Variants in LGI1 observed in about 807,000 individuals in gnomAD.
The protein encoded by LGI1 is leucine rich glioma inactivated 1.
Under a neutral mutation model 57.7 loss-of-function variants are expected in LGI1, and 11 were observed. That is an observed-to-expected ratio of 0.19 (90% CI 0.12 to 0.32). The LOEUF is 0.32. LGI1 is among the 10% of genes least tolerant of loss of function. The pLI is 1.00. For synonymous variants in LGI1, 222 were observed against 241.9 expected (o/e 0.92, Z 0.76); for missense variants, 422 against 661.9 (o/e 0.64, Z 3.98).
At position 93,786,989 on chromosome 10, in the gene LGI1, T is replaced by A. The variant is rs180893459; in HGVS notation, c.432-3110T>A. On this transcript the variant is annotated intron_variant, in intron 4 of 7. Coordinates refer to ENST00000371418, the MANE Select transcript of LGI1 (RefSeq NM_005097.4). ...CAAATCCCTCTGCCTACTTTCTTTT[T>A]ATCTAAATGTAACCTGTCACTGGAG... Among the ~76,000 whole-genome samples the A allele has an allele frequency of 1.2e-3, 188 of 152,298 alleles. 1 individual carries two copies. In the Middle Eastern group the frequency reaches 0.014, roughly 11 times the overall value.
At position 93,766,512 on chromosome 10, in the gene LGI1, C is replaced by CTCTTTTTTTTTTTTT. The variant is rs1554903463; in HGVS notation, c.287+7682_287+7683insCTTTTTTTTTTTTTT. ...TTGGTGCTAAGCATTTTATAGATCT[C>CTCTTTTTTTTTTTTT]TTTTTTTTTTGAGACGGAGTCTCGC... is the stretch of plus-strand genomic sequence containing the variant. On this transcript the variant is annotated intron_variant, in intron 2 of 7. Coordinates refer to ENST00000371418, the MANE Select transcript of LGI1 (RefSeq NM_005097.4). Among the ~76,000 whole-genome samples the CTCTTTTTTTTTTTTT allele has an allele frequency of 2.9e-3, 245 of 84,566 alleles. 4 individuals carry two copies. Among genetic ancestry groups the CTCTTTTTTTTTTTTT allele is most frequent in the African/African-American group, 0.011 (233 of 20,368 alleles). 55.5% of individuals were successfully genotyped at this position (84,566 alleles called of 152,430 possible). A position where few individuals can be genotyped will look rare whatever the true frequency, so the allele number is the denominator to read the frequency against.
chr10:93,793,836 T>C (rs1458179397), intron 7 of LGI1: 1 of 158,238 alleles, frequency 6.3e-6, no homozygotes, highest in Non-Finnish European at 1.4e-5. Context: ...ATGTATGCCT[T>C]GTAATGAAAA....
In LGI1 at chr10:93,793,274, G is replaced by A. The variant is rs2059951707; in HGVS notation, c.762G>A (p.Gln254=). Residue 254 remains glutamine, a synonymous_variant, in exon 7 of 8, where the codon CAG becomes CAA. Coordinates refer to ENST00000371418, the MANE Select transcript of LGI1 (RefSeq NM_005097.4). ...ATGATGAGTATGTAGTCATCGCTCA[G>A]CCTTTTACTGGAAAATGCATTTTCC... ...YLNDEYVVIA[Q]PFTGKCIFLE... 1.9e-6 allele frequency: 3 copies of A among 1,613,114 alleles called. No homozygotes were observed. In the African/African-American group the frequency reaches 4.0e-5, roughly 22 times the overall value.
chr10:93,769,924 C>G (rs1352467808), intron 2 of LGI1: 2 of 152,152 alleles, frequency 1.3e-5, no homozygotes, highest in African/African-American at 4.8e-5. Flanking sequence ...ATTCTAATGG[C>G]AATCAAGATA....
chr10:93,783,647 T>A (rs1176758838), intron 4 of LGI1, among the ~76,000 whole-genome samples: 1 of 152,192 alleles, frequency 6.6e-6, no homozygotes, highest in Admixed American at 6.5e-5. Context: ...CATCCTCTGC[T>A]CTTTTCTTTG....
At chr10:93,796,180 A>G (rs1234850748) in intron 7 of LGI1, among the ~76,000 whole-genome samples, 1 of 152,204 alleles carries the variant, frequency 6.6e-6, no homozygotes, top group Non-Finnish European at 1.5e-5. Flanking sequence ...CGATTTTTTT[A>G]AAGATTCCTT....
At chr10:93,781,295 CTTGCAG>C (rs1267039798) in intron 4 of LGI1, among the ~76,000 whole-genome samples, 1 of 151,942 alleles carries the variant, frequency 6.6e-6, no homozygotes, top group African/African-American at 2.4e-5. Flanking sequence ...GGAGGCGGAG[CTTGCAG>C]TGAGCCGAGA....
rs568626175 is a variant in LGI1 at position 93,793,404 on chromosome 10, G to C, written c.838+54G>C. The C allele has an allele frequency of 5.9e-5, 87 of 1,474,188 alleles. No homozygotes were observed. In the East Asian group the frequency reaches 1.9e-3, roughly 32 times the overall value. The allele number at this position is 1,474,188 out of a possible 1,614,324, so 91.3% of individuals were successfully genotyped here. A position where few individuals can be genotyped will look rare whatever the true frequency, so the allele number is the denominator to read the frequency against. Reference sequence around the variant, plus strand: ...GGTAATTTAAACTGCTTCAGCCAAGGGCAACAAGGAAAGATGAGTGGTATA... The same window carrying C: ...GGTAATTTAAACTGCTTCAGCCAAGCGCAACAAGGAAAGATGAGTGGTATA... On this transcript the variant is annotated intron_variant, in intron 7 of 7. Transcript: ENST00000371418.
intron 2 of LGI1, among the ~76,000 whole-genome samples, chr10:93,761,825 C>T (rs537081328): frequency 1.3e-5 from 2 of 152,268 alleles, no homozygotes; most frequent in East Asian, 3.9e-4. Flanking sequence ...AATGCAATTT[C>T]ATTCATGTTT....
chr10:93,793,154 T>C (rs759317644), intron 6 of LGI1, 32 bp from the exon 7 acceptor site: 2 of 1,567,106 alleles, frequency 1.3e-6, no homozygotes, highest in Non-Finnish European at 1.7e-6. Context: ...AGGTATTAGC[T>C]CACAGTTACT....
chr10:93,789,919 G>C, intron 4 of LGI1, 180 bp from the exon 5 acceptor site: 1 of 625,548 alleles, frequency 1.6e-6, no homozygotes. Context: ...AAGTGAACAG[G>C]TTAGGAACTG....
Position 93,758,885 on chromosome 10 carries a change from C to G in LGI1, c.287+54C>G. The G allele has an allele frequency of 2.5e-6, 3 of 1,215,932 alleles. No homozygotes were observed. The highest frequency in any genetic ancestry group is 4.6e-4 in the Middle Eastern group (2 of 4,360). The allele number at this position is 1,215,932 out of a possible 1,614,324, so 75.3% of individuals were successfully genotyped here. A position where few individuals can be genotyped will look rare whatever the true frequency, so the allele number is the denominator to read the frequency against. ...TTAATATGGCATATATTTGGATAAG[C>G]CTTCTAGTAAAATGATCTCAATATT... is the stretch of plus-strand genomic sequence containing the variant. On this transcript the variant is annotated intron_variant, in intron 2 of 7. Coordinates refer to ENST00000371418, the MANE Select transcript of LGI1 (RefSeq NM_005097.4). This position sits in a 1 kb window ranked among gnomAD's most constrained non-coding sequence, Gnocchi z 4.7.
chr10:93,775,172 C>G (rs1589760357), intron 2 of LGI1, among the ~76,000 whole-genome samples: 1 of 152,116 alleles, frequency 6.6e-6, no homozygotes. Flanking sequence ...AACCAGCACC[C>G]AGGTCAAGAA....
In LGI1 at chr10:93,790,248, A is replaced by G. The variant is rs113537668; in HGVS notation, c.503+78A>G. ...AAGGAAGCCTGGTATTGATTATTATAATTTTTAATTGGCTTTTAAATTAAA... is the reference window on the plus strand; with the variant it reads ...AAGGAAGCCTGGTATTGATTATTATGATTTTTAATTGGCTTTTAAATTAAA... On this transcript the variant is annotated intron_variant, in intron 5 of 7. Transcript: ENST00000371418. The G allele has an allele frequency of 4.7e-4, 576 of 1,215,982 alleles. 2 individuals carry two copies. The African/African-American group carries it at 7.8e-3, about 17-fold the overall frequency. The allele number at this position is 1,215,982 out of a possible 1,614,324, so 75.3% of individuals were successfully genotyped here.
At chr10:93,778,524 C>T (rs948929412) in intron 4 of LGI1, among the ~76,000 whole-genome samples, 3 of 152,144 alleles carry the variant, frequency 2.0e-5, no homozygotes, top group African/African-American at 7.2e-5. Flanking sequence ...AATAATCCTG[C>T]CAAACAGGCA....
intron 2 of LGI1, among the ~76,000 whole-genome samples, chr10:93,775,006 G>T (rs2059779044): frequency 6.6e-6 from 1 of 152,088 alleles, no homozygotes; most frequent in Non-Finnish European, 1.5e-5. Context: ...ATTGAATTTA[G>T]CATTGAGAGA....
chr10:93,782,948 GA>G (rs1165168613), intron 4 of LGI1: 2 of 152,218 alleles, frequency 1.3e-5, no homozygotes, highest in Non-Finnish European at 1.5e-5. Flanking sequence ...GGTAAATGAT[GA>G]AAACACCAAA....
At chr10:93,759,897 G>C (rs1157331708) in intron 2 of LGI1, among the ~76,000 whole-genome samples, 2 of 152,186 alleles carry the variant, frequency 1.3e-5, no homozygotes, top group Non-Finnish European at 1.5e-5. Context: ...GTCTTGTGCA[G>C]ATTAGTATAT....
At chr10:93,776,030 G>A (rs2059790788) in intron 2 of LGI1, 1 of 152,192 alleles carries the variant, frequency 6.6e-6, no homozygotes, top group East Asian at 1.9e-4. Context: ...TGCCAAAGCT[G>A]TGATGGAAAT....
Sources: allele counts gnomAD v4.1 joint callset (sites outside exome capture counted in the v4.1 genomes callset), GRCh38; gene constraint gnomAD v4.1.1; non-coding constraint Gnocchi (gnomAD v3.1); transcripts MANE v1.5; gene names NCBI Gene and HGNC (gene_info 2026-07-23, HGNC 2026-07-21).